PIEZO2: variants seen among roughly 807,000 people sequenced by gnomAD.
PIEZO2 encodes piezo type mechanosensitive ion channel component 2.
Under a neutral mutation model 337.3 loss-of-function variants are expected in PIEZO2, and 172 were observed. The ratio of observed to expected loss-of-function variants is 0.51; its 90% CI spans 0.45 to 0.58. PIEZO2 has a LOEUF of 0.58. Ranked by LOEUF, PIEZO2 falls within the 20% of genes least tolerant of loss-of-function variation. The probability of loss-of-function intolerance (pLI) is 0.00; values close to 1 mark genes in which losing one functional copy is unlikely to be tolerated. For synonymous variants in PIEZO2, 1,251 were observed against 1,228.5 expected, an observed-to-expected ratio of 1.02 and a Z score of -0.38; for missense variants, 3,028 against 3,391.3, an observed-to-expected ratio of 0.89 and a Z score of 2.66.
intron 2 of PIEZO2, among the ~76,000 whole-genome samples, chr18:11,008,376 A>G (rs2035790203): frequency 6.6e-6 from 1 of 152,152 alleles, no homozygotes; most frequent in African/African-American, 2.4e-5. Context: ...AATCCCAAAC[A>G]TATGCCCTTG....
intron 11 of PIEZO2, among the ~76,000 whole-genome samples, chr18:10,798,026 A>G (rs925304635): frequency 6.6e-6 from 1 of 152,214 alleles, no homozygotes; most frequent in African/African-American, 2.4e-5. Flanking sequence ...GGGGAGCCCC[A>G]GGTGTGAGAA....
Position 10,856,846 on chromosome 18 carries a change from GT to G in PIEZO2, c.703+154del, listed in dbSNP as rs10714002. 0.018 allele frequency among the ~76,000 whole-genome samples: 2,716 copies of G among 152,256 alleles called. 85 individuals carry two copies. The highest frequency in any genetic ancestry group is 0.063 in the African/African-American group (2,598 of 41,542). On this transcript the variant is annotated intron_variant, in intron 6 of 55. Transcript: ENST00000674853. This position sits in a 1 kb window ranked among gnomAD's most constrained non-coding sequence, Gnocchi z 4.7. ...TAACCCGGAAAAATTATTTTGTGTG[GT>G]TTGTACATGTGGCCAGTTTTACAAG...
At chr18:11,075,953 C>T (rs1198855743) in intron 1 of PIEZO2, among the ~76,000 whole-genome samples, 2 of 152,038 alleles carry the variant, frequency 1.3e-5, no homozygotes, top group African/African-American at 4.8e-5. Flanking sequence ...CCATGCCCGG[C>T]TAATTTGTAT....
intron 7 of PIEZO2, among the ~76,000 whole-genome samples, chr18:10,817,920 CAAA>C (rs34222546): frequency 1.2e-4 from 8 of 64,208 alleles, no homozygotes; most frequent in African/African-American, 3.0e-4. Context: ...AAGACTCTGT[CAAA>C]AAAAAAAAAA....
At chr18:11,039,502 C>G (rs1338537124) in intron 2 of PIEZO2, among the ~76,000 whole-genome samples, 1 of 152,096 alleles carries the variant, frequency 6.6e-6, no homozygotes, top group African/African-American at 2.4e-5. Context: ...GTCAAACATT[C>G]AAGCAAATAT....
At chr18:11,085,619 C>T (rs992327147) in intron 1 of PIEZO2, among the ~76,000 whole-genome samples, 2 of 152,084 alleles carry the variant, frequency 1.3e-5, no homozygotes, top group African/African-American at 4.8e-5. Context: ...AACTAAAAGC[C>T]AGTACTCCTA....
Position 10,710,075 on chromosome 18 carries a change from C to T in PIEZO2, c.5424-1636G>A, listed in dbSNP as rs181383003. On this transcript the variant is annotated intron_variant, in intron 39 of 55. Coordinates refer to ENST00000674853, the MANE Select transcript of PIEZO2 (RefSeq NM_001378183.1). ...TTATGTTTCTGAGATGAGGGGACTT[C>T]GCATTTCTGTATTTCATTTAATATT... 7.9e-4 allele frequency among the ~76,000 whole-genome samples: 120 copies of T among 152,338 alleles called. 1 individual carries two copies. Among genetic ancestry groups the T allele is most frequent in the South Asian group, 2.1e-4 (1 of 4,830 alleles).
Position 10,715,673 on chromosome 18 carries a change from TG to T in PIEZO2, c.5232del (p.Cys1744Ter). The T allele has an allele frequency of 6.5e-7, 1 of 1,535,280 alleles. No individual in the cohort carries two copies. Among genetic ancestry groups the T allele is most frequent in the Non-Finnish European group, 8.7e-7 (1 of 1,146,228 alleles). On this transcript the variant is annotated frameshift_variant, in exon 38 of 56. Coordinates refer to ENST00000674853, the MANE Select transcript of PIEZO2 (RefSeq NM_001378183.1). LOFTEE classifies it high-confidence loss of function. ...DISTVLRIER[C>X]MLTREIKKGN... The stretch of plus-strand genomic sequence containing the variant: ...ACCTTCTTAATTTCTCTGGTCAGCA[TG>T]CATCGTTCAATTCTCAGAACTGTAG...
Position 11,001,486 on chromosome 18 carries a change from G to T in PIEZO2, c.161-21826C>A, listed in dbSNP as rs538496715. Among the ~76,000 whole-genome samples the T allele has an allele frequency of 6.6e-6, 1 of 152,212 alleles. No homozygotes were observed. Among genetic ancestry groups the T allele is most frequent in the South Asian group, 2.1e-4 (1 of 4,810 alleles). The stretch of plus-strand genomic sequence containing the variant: ...TTCACTGTCAGACAGTGAAAATCAC[G>T]ACTGTGATTATCCTCCAGTCCCCTA... On this transcript the variant is annotated intron_variant, in intron 2 of 55. Transcript: ENST00000674853. The surrounding 1 kb of genome is among the most constrained non-coding windows in gnomAD (Gnocchi z 5.3).
At chr18:10,790,940 G>T (rs560561294) in intron 14 of PIEZO2, among the ~76,000 whole-genome samples, 187 of 152,220 alleles carry the variant, frequency 1.2e-3, no homozygotes, top group African/African-American at 3.2e-3. Context: ...TCCTGACCTC[G>T]GGATCCGCCC....
At chr18:10,678,201 C>T (rs1052799005) in intron 52 of PIEZO2, among the ~76,000 whole-genome samples, 1 of 152,208 alleles carries the variant, frequency 6.6e-6, no homozygotes, top group African/African-American at 2.4e-5. Flanking sequence ...TGATGTTAGT[C>T]TCCACGGCAA....
In PIEZO2 at chr18:10,801,422, A is replaced by G. The variant is rs1359731394; in HGVS notation, c.1207T>C (p.Ser403Pro). ...HYPTDERKLL[S>P]MTQDDYKPSD... ...GGTTTGTAGTCATCCTGGGTCATGGATAAAAGCTGCAAAAAGCAATGCGGG... is the reference window on the plus strand; with the variant it reads ...GGTTTGTAGTCATCCTGGGTCATGGGTAAAAGCTGCAAAAAGCAATGCGGG... Residue 403 changes from serine to proline, a missense_variant, in exon 10 of 56, where the codon TCC becomes CCC. By Grantham distance (74) the Ser-to-Pro change is moderately conservative. Coordinates refer to ENST00000674853, the MANE Select transcript of PIEZO2 (RefSeq NM_001378183.1). 6.6e-7 allele frequency: 1 copy of G among 1,508,128 alleles called. No homozygotes were observed. The highest frequency in any genetic ancestry group is 8.9e-7 in the Non-Finnish European group (1 of 1,120,176). 93.4% of individuals were successfully genotyped at this position (1,508,128 alleles called of 1,614,324 possible). A position where few individuals can be genotyped will look rare whatever the true frequency, so the allele number is the denominator to read the frequency against.
chr18:10,990,076 A>G (rs1051439339), intron 2 of PIEZO2, among the ~76,000 whole-genome samples: 5 of 152,204 alleles, frequency 3.3e-5, no homozygotes. Context: ...ATATGTAAAA[A>G]TGTGGTGAAC....
At chr18:10,721,130 G>A (rs540627359) in intron 36 of PIEZO2, among the ~76,000 whole-genome samples, 1 of 152,304 alleles carries the variant, frequency 6.6e-6, no homozygotes, top group African/African-American at 2.4e-5. Flanking sequence ...GAACAAAGAA[G>A]TCTAGTAGGA....
Position 11,003,639 on chromosome 18 carries a change from C to A in PIEZO2, c.161-23979G>T, listed in dbSNP as rs1053649346. Among the ~76,000 whole-genome samples the A allele has an allele frequency of 6.6e-6, 1 of 152,160 alleles. No homozygotes were observed. Among genetic ancestry groups the A allele is most frequent in the Admixed American group, 6.5e-5 (1 of 15,274 alleles). ...GCACCAGGCGGGCATCAGGCGGGCACCAGCCCTAGCCAGTACACCGTCCCA... is the reference window on the plus strand; with the variant it reads ...GCACCAGGCGGGCATCAGGCGGGCAACAGCCCTAGCCAGTACACCGTCCCA... On this transcript the variant is annotated intron_variant, in intron 2 of 55. Transcript: ENST00000674853. The surrounding 1 kb of genome is among the most constrained non-coding windows in gnomAD (Gnocchi z 4.6).
At chr18:10,753,570 C>T (rs975602703) in intron 27 of PIEZO2, among the ~76,000 whole-genome samples, 10 of 152,324 alleles carry the variant, frequency 6.6e-5, no homozygotes, top group South Asian at 2.1e-4. Flanking sequence ...CAAGTCCCAA[C>T]TGCATTTCTT....
At chr18:10,901,987 C>A (rs1428538005) in intron 4 of PIEZO2, among the ~76,000 whole-genome samples, 1 of 152,012 alleles carries the variant, frequency 6.6e-6, no homozygotes, top group African/African-American at 2.4e-5. Context: ...GGTACTGGTC[C>A]TCGTCCATAG....
intron 7 of PIEZO2, among the ~76,000 whole-genome samples, chr18:10,825,549 C>CGTTTTTTTTTTTTT (rs1598539761): frequency 9.2e-6 from 1 of 108,862 alleles, no homozygotes. Context: ...TTCCTTTCTT[C>CGTTTTTTTTTTTTT]CTTTTTTTTT....
intron 43 of PIEZO2, among the ~76,000 whole-genome samples, chr18:10,699,465 G>A (rs918013984): frequency 6.6e-6 from 1 of 152,094 alleles, no homozygotes; most frequent in Non-Finnish European, 1.5e-5. Flanking sequence ...CCTGAACAAA[G>A]CACTCCTCTC....
Sources: gnomAD v4.1 joint callset for allele counts (sites outside exome capture counted in the v4.1 genomes callset) on GRCh38, gnomAD v4.1.1 for gene constraint, Gnocchi (gnomAD v3.1) non-coding constraint, MANE v1.5 for transcripts, NCBI Gene and HGNC (gene_info 2026-07-23, HGNC 2026-07-21) for gene names.